The following DCHS2 variants were observed in gnomAD, a reference collection of about 807,000 sequenced individuals.
The protein encoded by DCHS2 is dachsous cadherin-related 2, also known as protocadherin-23.
In DCHS2, 142 loss-of-function variants were observed where a neutral mutation model predicts 182.4. The observed-to-expected ratio is 0.78, with a 90% CI of 0.68 to 0.89. The LOEUF is 0.89. Ranked by LOEUF, DCHS2 falls within the 40% of genes least tolerant of loss-of-function variation. The pLI, the probability that DCHS2 is intolerant of heterozygous loss-of-function variation, is 0.00. For missense variants in DCHS2, 4,319 were observed against 4,198.6 expected, an observed-to-expected ratio of 1.03 and a Z score of -0.79; for synonymous variants, 1,740 against 1,663.3, an observed-to-expected ratio of 1.05 and a Z score of -1.12.
In DCHS2 at chr4:154,255,500, A is replaced by G. The variant is rs1732614477; in HGVS notation, c.6941+19T>C. On this transcript the variant is annotated intron_variant, in intron 16 of 19. Coordinates refer to ENST00000357232, the MANE Select transcript of DCHS2 (RefSeq NM_001358235.2). ...CAGGCAGAATAAATGGAGCCAATGG[A>G]TCTGAACCCTGGACCAACCTGTAGG... 1.9e-6 allele frequency: 3 copies of G among 1,610,870 alleles called. No individual in the cohort carries two copies. The highest frequency in any genetic ancestry group is 2.5e-6 in the Non-Finnish European group (3 of 1,178,578).
chr4:154,459,116 T>C (rs1734895688), intron 1 of DCHS2, among the ~76,000 whole-genome samples: 1 of 152,132 alleles, frequency 6.6e-6, no homozygotes, highest in South Asian at 2.1e-4. Context: ...GAATTCCTAC[T>C]CCCCATGTGT....
chr4:154,465,669 A>G (rs1424371557), intron 1 of DCHS2, among the ~76,000 whole-genome samples: 1 of 141,474 alleles, frequency 7.1e-6, no homozygotes, highest in Admixed American at 7.0e-5. Flanking sequence ...ACCCCATCTC[A>G]AAAAAAAAAA....
intron 1 of DCHS2, among the ~76,000 whole-genome samples, chr4:154,412,119 A>G (rs1379128700): frequency 6.6e-6 from 1 of 152,212 alleles, no homozygotes; most frequent in Non-Finnish European, 1.5e-5. Flanking sequence ...TATAAGAAGA[A>G]AGATAGTTAT....
rs768470450 is a variant in DCHS2 at position 154,297,969 on chromosome 4, C to G, written c.6345G>C (p.Gln2115His). Residue 2115 changes from glutamine to histidine, a missense_variant, in exon 13 of 20, where the codon CAG (glutamine) becomes CAC (histidine). Coordinates refer to ENST00000357232, the MANE Select transcript of DCHS2 (RefSeq NM_001358235.2). ...CCGTGGTTGTCCTGGCTGGAATGCC[C>G]TGGTCTGTAACTTTTAACTGCAGCC... Reference protein sequence around the residue: ...PIWLQLKVTDQGIPARTTTGL... With the variant: ...PIWLQLKVTDHGIPARTTTGL... 6.2e-7 allele frequency: 1 copy of G among 1,614,086 alleles called. No homozygotes were observed. Among genetic ancestry groups the G allele is most frequent in the South Asian group, 1.1e-5 (1 of 91,080 alleles).
intron 1 of DCHS2, among the ~76,000 whole-genome samples, chr4:154,439,417 A>AAT (rs34274047): frequency 0.46 from 69,499 of 151,640 alleles, 16,383 homozygotes; most frequent in Middle Eastern, 0.68. Flanking sequence ...AATTTTTGGC[A>AAT]ATTTGCCAAA....
intron 10 of DCHS2, among the ~76,000 whole-genome samples, chr4:154,308,254 A>T (rs78249558): frequency 6.3e-5 from 9 of 142,842 alleles, no homozygotes; most frequent in African/African-American, 1.5e-4. Context: ...TGACCAATTT[A>T]AAAAAAAAAA....
chr4:154,460,831 C>G (rs760047476), intron 1 of DCHS2, among the ~76,000 whole-genome samples: 7 of 152,082 alleles, frequency 4.6e-5, no homozygotes, highest in Non-Finnish European at 7.4e-5. Context: ...AGTTGCTGAT[C>G]TATATATTAT....
chr4:154,317,784 G>A, intron 9 of DCHS2, among the ~76,000 whole-genome samples: 1 of 152,074 alleles, frequency 6.6e-6, no homozygotes, highest in East Asian at 1.9e-4. Context: ...GCAACATGGT[G>A]ACAGCAAGAC....
chr4:154,434,436 T>A (rs1733691020), intron 1 of DCHS2, among the ~76,000 whole-genome samples: 1 of 152,004 alleles, frequency 6.6e-6, no homozygotes, highest in Non-Finnish European at 1.5e-5. Flanking sequence ...AAAAAATAAG[T>A]CACTGGCAAA....
intron 1 of DCHS2, among the ~76,000 whole-genome samples, chr4:154,416,839 A>T (rs924392307): frequency 2.0e-5 from 3 of 151,962 alleles, no homozygotes; most frequent in Non-Finnish European, 2.9e-5. Context: ...TCCTCACATA[A>T]TCTTGGCGAA....
Position 154,298,403 on chromosome 4 carries a change from A to G in DCHS2, c.5911T>C (p.Phe1971Leu). 1 of 1,614,150 alleles carries G rather than the reference A, an allele frequency of 6.2e-7. No individual in the cohort carries two copies. The highest frequency in any genetic ancestry group is 8.5e-7 in the Non-Finnish European group (1 of 1,179,998). The change falls in exon 13 of 20, where the codon TTT becomes CTT. Residue 1971 changes from phenylalanine to leucine, a missense_variant. By Grantham distance (22) the Phe-to-Leu change is conservative. Transcript: ENST00000357232. ...DEGLNGQTEYFLTDEASGAFT... is the reference protein window; with the variant it reads ...DEGLNGQTEYLLTDEASGAFT... Reference sequence around the variant, plus strand: ...GCACCAGAAGCCTCATCAGTCAGAAAATACTCAGTTTGCCCATTCAGGCCT... The same window carrying G: ...GCACCAGAAGCCTCATCAGTCAGAAGATACTCAGTTTGCCCATTCAGGCCT...
chr4:154,471,447 C>A (rs1735464373), intron 1 of DCHS2, among the ~76,000 whole-genome samples: 1 of 152,146 alleles, frequency 6.6e-6, no homozygotes, highest in African/African-American at 2.4e-5. Context: ...CCATGCTTCC[C>A]TTTATTTTCA....
Position 154,297,936 on chromosome 4 carries a change from C to A in DCHS2, c.6378G>T (p.Leu2126Phe), listed in dbSNP as rs896546285. The change falls in exon 13 of 20, where the codon TTG (leucine) becomes TTT (phenylalanine). Residue 2126 changes from leucine to phenylalanine, a missense_variant. Transcript: ENST00000357232. ...CATCTTCTCCTTCCATGTGAATGACCAAGAGACCCGTGGTTGTCCTGGCTG... is the reference window on the plus strand; with the variant it reads ...CATCTTCTCCTTCCATGTGAATGACAAAGAGACCCGTGGTTGTCCTGGCTG... ...GIPARTTTGL[L>F]VIHMEGEDVK... is the part of the protein sequence containing the mutation. 1 of 1,613,940 alleles carries A rather than the reference C, an allele frequency of 6.2e-7. No individual in the cohort carries two copies. Among genetic ancestry groups the A allele is most frequent in the Non-Finnish European group, 8.5e-7 (1 of 1,179,998 alleles).
chr4:154,236,914 G>A lies in DCHS2; in HGVS notation c.7738C>T (p.Arg2580Cys), dbSNP rs761742716. 1.1e-5 allele frequency: 18 copies of A among 1,614,020 alleles called. No homozygotes were observed. The highest frequency in any genetic ancestry group is 1.1e-4 in the East Asian group (5 of 44,856). The part of the protein sequence containing the change: ...TFSNIDHDWT[R>C]ENTYVEYSII... ...GAATATTCAACATATGTGTTTTCACGGGTCCAGTCATGGTCGATGTTTGAA... is the reference window on the plus strand; with the variant it reads ...GAATATTCAACATATGTGTTTTCACAGGTCCAGTCATGGTCGATGTTTGAA... Residue 2580 changes from arginine to cysteine, a missense_variant, in exon 20 of 20, where the codon CGT becomes TGT. Coordinates refer to ENST00000357232, the MANE Select transcript of DCHS2 (RefSeq NM_001358235.2).
Position 154,491,740 on chromosome 4 carries a change from T to C in DCHS2, c.-385A>G. 6.8e-6 allele frequency: 7 copies of C among 1,024,552 alleles called. No individual in the cohort carries two copies. The highest frequency in any genetic ancestry group is 8.2e-6 in the Non-Finnish European group (7 of 856,832). 63.5% of individuals were successfully genotyped at this position (1,024,552 alleles called of 1,614,324 possible). On this transcript the variant is annotated 5_prime_UTR_variant, in exon 1 of 20. It adds an upstream start codon to the 5' untranslated region. Coordinates refer to ENST00000357232, the MANE Select transcript of DCHS2 (RefSeq NM_001358235.2). ...TTTCTTTTGCCAAAAAGGAGGAGAT[T>C]ATATGAAGCGCGCACACACAAGGAG...
At chr4:154,319,859 A>G (rs974840971) in intron 9 of DCHS2, among the ~76,000 whole-genome samples, 1 of 152,166 alleles carries the variant, frequency 6.6e-6, no homozygotes, top group African/African-American at 2.4e-5. Flanking sequence ...AATTGAAATC[A>G]GGATCTTGAA....
At chr4:154,467,656 G>GA (rs1178869206) in intron 1 of DCHS2, among the ~76,000 whole-genome samples, 1 of 152,036 alleles carries the variant, frequency 6.6e-6, no homozygotes, top group African/African-American at 2.4e-5. Context: ...CATGTTTCTG[G>GA]AAAAAATGGA....
chr4:154,487,914 A>C (rs1728644676), intron 1 of DCHS2, among the ~76,000 whole-genome samples: 1 of 152,220 alleles, frequency 6.6e-6, no homozygotes, highest in Non-Finnish European at 1.5e-5. Context: ...AAGGTGGCTT[A>C]TGCCTGTAAT....
At chr4:154,289,103 A>T (rs528226948) in intron 13 of DCHS2, among the ~76,000 whole-genome samples, 1 of 152,116 alleles carries the variant, frequency 6.6e-6, no homozygotes, top group Admixed American at 6.6e-5. Flanking sequence ...GAACAGAAAT[A>T]AATGAAACTT....
Sources: gnomAD v4.1 joint callset for allele counts (sites outside exome capture counted in the v4.1 genomes callset) on GRCh38, gnomAD v4.1.1 for gene constraint, MANE v1.5 for transcripts, NCBI Gene and HGNC (gene_info 2026-07-23, HGNC 2026-07-21) for gene names.